The following CCSER1 variants were observed in gnomAD, a reference collection of about 807,000 sequenced individuals.
The protein encoded by CCSER1 is coiled-coil serine rich protein 1, also known as serine-rich coiled-coil domain-containing protein 1.
Under a neutral mutation model 82.0 loss-of-function variants are expected in CCSER1, and 41 were observed. That is an observed-to-expected ratio of 0.50 (90% CI 0.39 to 0.65). CCSER1 has a LOEUF of 0.65. Among genes scored for constraint, CCSER1 ranks in the 30% least tolerant of loss-of-function variants. The pLI, the probability that CCSER1 is intolerant of heterozygous loss-of-function variation, is 0.00. For missense variants in CCSER1, 1,119 were observed against 1,064.2 expected (o/e 1.05, Z -0.72); for synonymous variants, 414 against 383.9 (o/e 1.08, Z -0.92).
chr4:91,442,797 C>A (rs956603559), intron 10 of CCSER1, among the ~76,000 whole-genome samples: 3 of 150,900 alleles, frequency 2.0e-5, no homozygotes, highest in Non-Finnish European at 3.0e-5. Context: ...ACAACCCCAT[C>A]AAAAAGTGGG....
chr4:91,191,604 C>G (rs1324482886), intron 10 of CCSER1, among the ~76,000 whole-genome samples: 1 of 152,150 alleles, frequency 6.6e-6, no homozygotes, highest in Admixed American at 6.5e-5. Context: ...CTCCATCAAT[C>G]TGATGTACAT....
In CCSER1 at chr4:90,308,627, C is replaced by T; in HGVS notation, c.343C>T (p.His115Tyr). 6 of 1,613,806 alleles carry T rather than the reference C, an allele frequency of 3.7e-6. No homozygotes were observed. Among genetic ancestry groups the T allele is most frequent in the Non-Finnish European group, 5.1e-6 (6 of 1,179,836 alleles). ...LEEHIKTRGR[H>Y]SVGFSSSRNK... ...AGAACATATTAAGACCAGGGGAAGA[C>T]ATTCTGTTGGTTTTAGTAGTTCACG... Residue 115 changes from histidine (H) to tyrosine (Y), a missense_variant, in exon 2 of 11, where the codon CAT becomes TAT. Coordinates refer to ENST00000509176, the MANE Select transcript of CCSER1 (RefSeq NM_001145065.2).
intron 1 of CCSER1, among the ~76,000 whole-genome samples, chr4:90,229,120 C>T (rs139352000): frequency 0.012 from 1,829 of 152,162 alleles, 46 homozygotes; most frequent in African/African-American, 0.041. Context: ...ATACAGAGAA[C>T]GCCACAAAGC....
Position 90,435,007 on chromosome 4 carries a change from C to T in CCSER1, c.1604-33227C>T, listed in dbSNP as rs138053154. Among the ~76,000 whole-genome samples the T allele has an allele frequency of 1.6e-4, 25 of 152,290 alleles. No individual in the cohort carries two copies. In the East Asian group the frequency reaches 2.5e-3, roughly 15 times the overall value. On this transcript the variant is annotated intron_variant, in intron 4 of 10. Transcript: ENST00000509176. The stretch of plus-strand genomic sequence containing the variant: ...CAGCCATGTCAGGATCATGAGCTTT[C>T]TCACTGCTTCTTCTTCTTTGTTTTG...
intron 9 of CCSER1, among the ~76,000 whole-genome samples, chr4:90,954,356 T>C (rs1733214585): frequency 6.6e-6 from 1 of 152,058 alleles, no homozygotes; most frequent in South Asian, 2.1e-4. Flanking sequence ...AACATTTTTA[T>C]TTGTATTGAA....
At chr4:90,408,827 C>T (rs1480865248) in intron 4 of CCSER1, among the ~76,000 whole-genome samples, 1 of 152,148 alleles carries the variant, frequency 6.6e-6, no homozygotes, top group South Asian at 2.1e-4. Flanking sequence ...GAAGATCAAA[C>T]TACTCCAAGC....
intron 8 of CCSER1, among the ~76,000 whole-genome samples, chr4:90,868,433 A>G (rs1292577991): frequency 6.6e-6 from 1 of 151,998 alleles, no homozygotes; most frequent in African/African-American, 2.4e-5. Context: ...GCTCTCACAA[A>G]TAGGTGGGAA....
At chr4:90,484,337 G>A (rs1206052963) in intron 5 of CCSER1, among the ~76,000 whole-genome samples, 1 of 152,130 alleles carries the variant, frequency 6.6e-6, no homozygotes, top group East Asian at 1.9e-4. Context: ...TTAGCTCGGA[G>A]TAGTTTGATC....
intron 6 of CCSER1, among the ~76,000 whole-genome samples, chr4:90,656,749 T>C (rs1167364648): frequency 6.6e-6 from 1 of 151,960 alleles, no homozygotes; most frequent in Non-Finnish European, 1.5e-5. Context: ...CTTGAAATAA[T>C]TATTTTCTAA....
chr4:90,713,799 T>C lies in CCSER1; in HGVS notation c.1933-10115T>C, dbSNP rs192711960. Among the ~76,000 whole-genome samples the C allele has an allele frequency of 2.3e-3, 351 of 152,164 alleles. 1 individual carries two copies. The highest frequency in any genetic ancestry group is 7.8e-3 in the African/African-American group (325 of 41,536). On this transcript the variant is annotated intron_variant, in intron 6 of 10. Coordinates refer to ENST00000509176, the MANE Select transcript of CCSER1 (RefSeq NM_001145065.2). The stretch of plus-strand genomic sequence containing the variant: ...GTGCCCCAATCAGTCGTAGGTTCAG[T>C]CTCTACATAATCCCATATTTCTTGG...
rs537595509 is a variant in CCSER1, at chr4:91,534,826, CTCAA to C, written c.2218-63740_2218-63737del. 2.6e-3 allele frequency among the ~76,000 whole-genome samples: 389 copies of C among 151,838 alleles called. 1 individual carries two copies. The highest frequency in any genetic ancestry group is 6.2e-3 in the Admixed American group (95 of 15,248). On this transcript the variant is annotated intron_variant, in intron 10 of 10. Coordinates refer to ENST00000509176, the MANE Select transcript of CCSER1 (RefSeq NM_001145065.2). Reference sequence around the variant, plus strand: ...TATAGTAAAAGTTCAAGAAAATGTGCTCAATCAATAAGTGAAATTATGAATGAAA... The same window carrying C: ...TATAGTAAAAGTTCAAGAAAATGTGCTCAATAAGTGAAATTATGAATGAAA...
chr4:90,880,277 A>C (rs1395971141), intron 8 of CCSER1, among the ~76,000 whole-genome samples: 1 of 152,126 alleles, frequency 6.6e-6, no homozygotes, highest in East Asian at 1.9e-4. Flanking sequence ...GAACCTTAGT[A>C]GTAGTTATGG....
At chr4:91,319,053 C>A in intron 10 of CCSER1, 3 of 225,834 alleles carry the variant, frequency 1.3e-5, no homozygotes, top group Admixed American at 5.4e-5. Context: ...CTCCAGTGTC[C>A]ATTTTTAATC....
At chr4:90,630,829 T>A (rs1319443641) in intron 6 of CCSER1, among the ~76,000 whole-genome samples, 1 of 150,524 alleles carries the variant, frequency 6.6e-6, no homozygotes, top group African/African-American at 2.4e-5. Flanking sequence ...TATTTTGAGC[T>A]GATTTTTATG....
At chr4:90,729,506 G>T (rs2149396410) in intron 7 of CCSER1, among the ~76,000 whole-genome samples, 1 of 152,206 alleles carries the variant, frequency 6.6e-6, no homozygotes, top group African/African-American at 2.4e-5. Context: ...TAATGAATTT[G>T]TCTTGAGGGA....
At chr4:90,765,637 A>G (rs975794731) in intron 7 of CCSER1, among the ~76,000 whole-genome samples, 11 of 152,124 alleles carry the variant, frequency 7.2e-5, no homozygotes, top group Non-Finnish European at 1.3e-4. Flanking sequence ...ACTCCACTAT[A>G]GACAGGGTTG....
chr4:90,232,768 A>C (rs1481190147), intron 1 of CCSER1, among the ~76,000 whole-genome samples: 202 of 150,012 alleles, frequency 1.3e-3, no homozygotes, highest in Non-Finnish European at 2.6e-3. Flanking sequence ...AACTCAAACA[A>C]ATTTACAAGA....
intron 8 of CCSER1, among the ~76,000 whole-genome samples, chr4:90,848,434 C>A (rs772144908): frequency 2.0e-5 from 3 of 152,164 alleles, no homozygotes; most frequent in Admixed American, 1.3e-4. Context: ...AAGTAAATTT[C>A]TTTCTTTCCC....
At chr4:91,412,407 G>T (rs1403576543) in intron 10 of CCSER1, among the ~76,000 whole-genome samples, 2 of 151,686 alleles carry the variant, frequency 1.3e-5, no homozygotes, top group African/African-American at 2.4e-5. Flanking sequence ...AGACCCACTT[G>T]GTTACCAAGT....
Sources: allele counts gnomAD v4.1 joint callset (sites outside exome capture counted in the v4.1 genomes callset), GRCh38; gene constraint gnomAD v4.1.1; transcripts MANE v1.5; gene names NCBI Gene and HGNC (gene_info 2026-07-23, HGNC 2026-07-21).